The following ESR1 variants were observed in gnomAD, a reference collection of about 807,000 sequenced individuals.
ESR1 encodes estrogen receptor.
In ESR1, 12 loss-of-function variants were observed where a neutral mutation model predicts 52.7. The observed-to-expected ratio is 0.23, with a 90% CI of 0.15 to 0.37. ESR1 has a LOEUF of 0.37. Among genes scored for constraint, ESR1 ranks in the 10% least tolerant of loss-of-function variants. ESR1 has a pLI of 1.00. For missense variants in ESR1, 584 were observed against 779.7 expected, an observed-to-expected ratio of 0.75 and a Z score of 2.99; for synonymous variants, 305 against 316.8, an observed-to-expected ratio of 0.96 and a Z score of 0.39.
chr6:152,121,732 A>C (rs1429831383), intron 6 of ESR1: 1 of 152,286 alleles, frequency 6.6e-6, no homozygotes, highest in Non-Finnish European at 1.5e-5. Context: ...AATACAAACA[A>C]AACTTGGCTT....
chr6:151,676,122 A>G (rs982027832), intron 1 of ESR1, among the ~76,000 whole-genome samples: 2 of 152,212 alleles, frequency 1.3e-5, no homozygotes, highest in African/African-American at 4.8e-5. Flanking sequence ...GAACTGGTGT[A>G]AGTCAAAGAG....
intron 5 of ESR1, among the ~76,000 whole-genome samples, chr6:152,038,654 T>C (rs902664095): frequency 1.3e-5 from 2 of 152,140 alleles, no homozygotes; most frequent in African/African-American, 4.8e-5. Context: ...TTTTAAAAGA[T>C]GGAGTCTTGC....
At chr6:151,766,907 A>G (rs1185259638) in intron 2 of ESR1, among the ~76,000 whole-genome samples, 2 of 152,240 alleles carry the variant, frequency 1.3e-5, no homozygotes, top group Non-Finnish European at 2.9e-5. Context: ...AGAGAAGTAC[A>G]ATACCTGTCA....
At chr6:151,952,855 T>G (rs1011040882) in intron 4 of ESR1, among the ~76,000 whole-genome samples, 1 of 152,242 alleles carries the variant, frequency 6.6e-6, no homozygotes, top group Non-Finnish European at 1.5e-5. Flanking sequence ...AGCAATGAAC[T>G]TGTTCTTTAA....
intron 7 of ESR1, chr6:152,096,706 G>C (rs1434728717): frequency 2.2e-6 from 1 of 455,992 alleles, no homozygotes; most frequent in Non-Finnish European, 4.4e-6. Context: ...ACGTCTGTCA[G>C]GTAGAGTAGG....
chr6:152,012,517 A>T (rs188550590), intron 5 of ESR1, among the ~76,000 whole-genome samples: 2 of 152,154 alleles, frequency 1.3e-5, no homozygotes, highest in East Asian at 3.9e-4. Context: ...GTCATCATCC[A>T]TGTTTTACCA....
At chr6:151,928,192 A>G (rs1343051097) in intron 3 of ESR1, among the ~76,000 whole-genome samples, 2 of 152,138 alleles carry the variant, frequency 1.3e-5, no homozygotes, top group Admixed American at 6.5e-5. Context: ...GTCCCAGTAC[A>G]TCCACTGTAA....
intron 3 of ESR1, among the ~76,000 whole-genome samples, chr6:151,900,496 T>A (rs1230208985): frequency 6.6e-6 from 1 of 152,146 alleles, no homozygotes; most frequent in East Asian, 1.9e-4. Flanking sequence ...TAGTGTGATT[T>A]TTTGAGGGGT....
At chr6:151,806,196 A>G (rs1480870429), upstream of ESR1, among the ~76,000 whole-genome samples, 6 of 152,154 alleles carry the variant, frequency 3.9e-5, no homozygotes, top group African/African-American at 1.4e-4. Flanking sequence ...TTTGCTGACA[A>G]TCTATAGTCA....
chr6:151,703,933 C>A (rs1203397784), intron 2 of ESR1, among the ~76,000 whole-genome samples: 2 of 152,128 alleles, frequency 1.3e-5, no homozygotes, highest in Admixed American at 6.5e-5. Flanking sequence ...GACGCTATTG[C>A]GCATCTGCCT....
intron 1 of ESR1, among the ~76,000 whole-genome samples, chr6:151,824,697 G>C (rs1183712922): frequency 6.6e-6 from 1 of 152,150 alleles, no homozygotes; most frequent in African/African-American, 2.4e-5. Flanking sequence ...TGGTAAAAAA[G>C]AGTTCTTGCT....
intron 6 of ESR1, among the ~76,000 whole-genome samples, chr6:152,109,395 G>A (rs538520568): frequency 1.3e-5 from 2 of 152,252 alleles, no homozygotes; most frequent in East Asian, 1.9e-4. Context: ...GCTGGGCGCA[G>A]TGGCTTACAC....
At chr6:151,882,515 T>C (rs2095765254) in intron 3 of ESR1, among the ~76,000 whole-genome samples, 1 of 152,232 alleles carries the variant, frequency 6.6e-6, no homozygotes, top group Admixed American at 6.5e-5. Context: ...TAATTAAACT[T>C]ACAAAATGCG....
intron 6 of ESR1, among the ~76,000 whole-genome samples, chr6:152,065,284 C>T (rs1054002214): frequency 6.6e-6 from 1 of 152,034 alleles, no homozygotes; most frequent in African/African-American, 2.4e-5. Flanking sequence ...TGGGACTTAC[C>T]GTTGAGAGAC....
intron 1 of ESR1, among the ~76,000 whole-genome samples, chr6:151,677,561 T>C (rs1488970417): frequency 6.6e-6 from 1 of 152,230 alleles, no homozygotes; most frequent in African/African-American, 2.4e-5. Flanking sequence ...TTCTGTCGCA[T>C]TGTTTGTAAA....
intron 6 of ESR1, among the ~76,000 whole-genome samples, chr6:152,064,362 A>G (rs768758615): frequency 8.5e-5 from 13 of 152,364 alleles, no homozygotes; most frequent in Non-Finnish European, 1.2e-4. Context: ...CCTCTGCCCA[A>G]TGGGAATTCA....
intron 3 of ESR1, among the ~76,000 whole-genome samples, chr6:151,939,446 G>T (rs961309250): frequency 2.0e-5 from 3 of 152,060 alleles, no homozygotes; most frequent in Non-Finnish European, 4.4e-5. Flanking sequence ...TTTTCTCTTT[G>T]AATTTCAATT....
chr6:152,078,247 T>C (rs924033827), intron 6 of ESR1, among the ~76,000 whole-genome samples: 3 of 152,304 alleles, frequency 2.0e-5, no homozygotes, highest in African/African-American at 7.2e-5. Context: ...GCTGCTGCCA[T>C]GTAAGAAGTG....
chr6:151,884,532 A>G (rs1370541217), intron 3 of ESR1, among the ~76,000 whole-genome samples: 2 of 152,090 alleles, frequency 1.3e-5, no homozygotes, highest in Admixed American at 6.5e-5. Flanking sequence ...CCACAGACCT[A>G]CTCCCTATTT....
Sources: allele counts gnomAD v4.1 joint callset (sites outside exome capture counted in the v4.1 genomes callset), GRCh38; gene constraint gnomAD v4.1.1; transcripts MANE v1.5; gene names NCBI Gene and HGNC (gene_info 2026-07-23, HGNC 2026-07-21).